Variants in ZNF675 observed in about 807,000 individuals in gnomAD.
ZNF675 encodes the protein zinc finger protein 675.
Under a neutral mutation model 56.1 loss-of-function variants are expected in ZNF675, and 36 were observed. The ratio of observed to expected loss-of-function variants is 0.64; its 90% CI spans 0.49 to 0.85. ZNF675 has a LOEUF of 0.85. Ranked by LOEUF, ZNF675 falls within the 40% of genes least tolerant of loss-of-function variation. The pLI, the probability that ZNF675 is intolerant of heterozygous loss-of-function variation, is 0.00. For missense variants in ZNF675, 663 were observed against 654.2 expected (o/e 1.01, Z -0.15); for synonymous variants, 200 against 218.9 (o/e 0.91, Z 0.76).
chr19:23,665,705 G>A (rs1305838114), intron 1 of ZNF675, among the ~76,000 whole-genome samples: 3 of 152,106 alleles, frequency 2.0e-5, no homozygotes, highest in African/African-American at 7.2e-5. Flanking sequence ...CACCATGTCG[G>A]TCAGGCTGGT....
intron 1 of ZNF675, among the ~76,000 whole-genome samples, chr19:23,663,631 G>A (rs932471542): frequency 6.6e-5 from 10 of 152,176 alleles, no homozygotes; most frequent in African/African-American, 4.8e-5. Context: ...AACCTGGGAG[G>A]TGGAGGCTGT....
intron 1 of ZNF675, among the ~76,000 whole-genome samples, chr19:23,677,273 TA>T (rs71165871): frequency 0.97 from 146,739 of 151,186 alleles, 71,517 homozygotes; most frequent in Middle Eastern, 1. Flanking sequence ...ACTCTACATC[TA>T]AAAAAAACCT....
chr19:23,656,151 A>T (rs1319602106), intron 3 of ZNF675: 2 of 152,242 alleles, frequency 1.3e-5, no homozygotes, highest in African/African-American at 4.8e-5. Flanking sequence ...AAAAGTGAAT[A>T]AAACAAAAAA....
chr19:23,654,070 T>A lies in ZNF675; in HGVS notation c.863A>T (p.Glu288Val), dbSNP rs1967947734. ...HTGEKPYKCE[E>V]CGKAFNQFSN... ...GAACTGGTTAAAGGCTTTGCCACATTCTTCACATTTGTAGGGTTTCTCTCC... is the reference window on the plus strand; with the variant it reads ...GAACTGGTTAAAGGCTTTGCCACATACTTCACATTTGTAGGGTTTCTCTCC... Residue 288 changes from glutamate to valine, a missense_variant, in exon 4 of 4, where the codon GAA becomes GTA. Physicochemically the swap from Glu to Val is moderately radical, Grantham distance 121. Coordinates refer to ENST00000359788, the MANE Select transcript of ZNF675 (RefSeq NM_138330.3). 1 of 1,613,852 alleles carries A rather than the reference T, an allele frequency of 6.2e-7. No homozygotes were observed. Among genetic ancestry groups the A allele is most frequent in the Non-Finnish European group, 8.5e-7 (1 of 1,180,016 alleles).
intron 1 of ZNF675, among the ~76,000 whole-genome samples, chr19:23,669,156 G>C (rs1968196162): frequency 6.6e-6 from 1 of 152,186 alleles, no homozygotes; most frequent in African/African-American, 2.4e-5. Context: ...GTTGGTAATT[G>C]AGTGGAACTA....
intron 1 of ZNF675, among the ~76,000 whole-genome samples, chr19:23,682,070 T>A (rs1164759870): frequency 2.6e-5 from 4 of 151,866 alleles, no homozygotes; most frequent in Non-Finnish European, 4.4e-5. Context: ...CTGCATATTT[T>A]CTTCCTTTTC....
intron 1 of ZNF675, among the ~76,000 whole-genome samples, chr19:23,678,372 A>G (rs12975667): frequency 0.97 from 145,929 of 150,326 alleles, 71,109 homozygotes; most frequent in Middle Eastern, 1. Flanking sequence ...TGCCTCAGCC[A>G]CCCAAGTAGC....
chr19:23,671,391 T>G (rs1439187769), intron 1 of ZNF675, among the ~76,000 whole-genome samples: 1 of 152,170 alleles, frequency 6.6e-6, no homozygotes, highest in Non-Finnish European at 1.5e-5. Flanking sequence ...ATGTCCTGAA[T>G]GCCCGAAGAG....
chr19:23,670,983 G>A (rs1462568696), intron 1 of ZNF675, among the ~76,000 whole-genome samples: 1 of 152,072 alleles, frequency 6.6e-6, no homozygotes, highest in Admixed American at 6.6e-5. Context: ...ACCACTGTAG[G>A]AAACAACCAG....
Position 23,687,147 on chromosome 19 carries a change from G to C in ZNF675, c.-114C>G. 23 of 1,283,176 alleles carry C rather than the reference G, an allele frequency of 1.8e-5. No individual in the cohort carries two copies. The highest frequency in any genetic ancestry group is 3.8e-5 in the Admixed American group (2 of 52,150). The allele number at this position is 1,283,176 out of a possible 1,614,324, so 79.5% of individuals were successfully genotyped here. A position where few individuals can be genotyped will look rare whatever the true frequency, so the allele number is the denominator to read the frequency against. ...GCAGAGGACACAGAGCAATGAAAGC[G>C]AGACCTGGAGCTCCGGCTGCAGCGA... On this transcript the variant is annotated 5_prime_UTR_variant, in exon 1 of 4. Coordinates refer to ENST00000359788, the MANE Select transcript of ZNF675 (RefSeq NM_138330.3).
Position 23,658,880 on chromosome 19 carries a change from T to C in ZNF675, c.226+3234A>G, listed in dbSNP as rs995971802. Among the ~76,000 whole-genome samples the C allele has an allele frequency of 1.5e-3, 134 of 87,506 alleles. 8 individuals carry two copies. Among genetic ancestry groups the C allele is most frequent in the Admixed American group, 3.1e-3 (22 of 7,136 alleles). 57.4% of individuals were successfully genotyped at this position (87,506 alleles called of 152,430 possible). A position where few individuals can be genotyped will look rare whatever the true frequency, so the allele number is the denominator to read the frequency against. ...ATATAGAAATAGATCTATAGATATC[T>C]ATAGATATAGATCTATAGATATCTA... On this transcript the variant is annotated intron_variant, in intron 3 of 3. Coordinates refer to ENST00000359788, the MANE Select transcript of ZNF675 (RefSeq NM_138330.3).
At chr19:23,655,236 CA>C (rs66775732) in intron 3 of ZNF675, 1,084 of 105,646 alleles carry the variant, frequency 0.01, 10 homozygotes, top group African/African-American at 0.027. Flanking sequence ...GACTCTGTCT[CA>C]AAAAAAAAAA....
At chr19:23,660,591 T>C (rs566764782) in intron 3 of ZNF675, among the ~76,000 whole-genome samples, 19 of 152,202 alleles carry the variant, frequency 1.2e-4, no homozygotes, top group African/African-American at 4.3e-4. Context: ...AGAAAAAAAC[T>C]TATTTACAAT....
chr19:23,663,431 C>T (rs1022389385), intron 1 of ZNF675, among the ~76,000 whole-genome samples: 1 of 152,144 alleles, frequency 6.6e-6, no homozygotes, highest in Non-Finnish European at 1.5e-5. Context: ...GTGGCTCATG[C>T]CTTTAATCCC....
In ZNF675 at chr19:23,653,007, T is replaced by A; in HGVS notation, c.*219A>T. 1 of 430,122 alleles carries A rather than the reference T, an allele frequency of 2.3e-6. No homozygotes were observed. Among genetic ancestry groups the A allele is most frequent in the East Asian group, 3.7e-5 (1 of 26,936 alleles). 26.6% of individuals were successfully genotyped at this position (430,122 alleles called of 1,614,324 possible). A position where few individuals can be genotyped will look rare whatever the true frequency, so the allele number is the denominator to read the frequency against. On this transcript the variant is annotated 3_prime_UTR_variant, in exon 4 of 4. Transcript: ENST00000359788. ...CTCTTTATATTTGTACAATTTTTCT[T>A]AAGTATAAACGCTTTCCTGTGCAAT...
At chr19:23,676,129 T>C (rs1968291547) in intron 1 of ZNF675, among the ~76,000 whole-genome samples, 2 of 151,318 alleles carry the variant, frequency 1.3e-5, no homozygotes, top group African/African-American at 4.9e-5. Context: ...CCTGGACAAA[T>C]ACCTCCTCCC....
intron 1 of ZNF675, among the ~76,000 whole-genome samples, chr19:23,664,015 T>G (rs1260573337): frequency 1.3e-5 from 2 of 152,172 alleles, no homozygotes; most frequent in African/African-American, 2.4e-5. Flanking sequence ...TAGAGAAGCC[T>G]CTGGTATATG....
Position 23,654,635 on chromosome 19 carries a change from G to GT in ZNF675, c.297dup (p.Leu100ThrfsTer5). The GT allele has an allele frequency of 6.2e-7, 1 of 1,601,176 alleles. No homozygotes were observed. The highest frequency in any genetic ancestry group is 1.7e-4 in the Middle Eastern group (1 of 5,962). On this transcript the variant is annotated frameshift_variant, in exon 4 of 4. Transcript: ENST00000359788. LOFTEE classifies it high-confidence loss of function. ...TTTCCACATTTTTCATATCTTCTCAGTGTCACTTTTTCAAAAGAATCTTTT... is the reference window on the plus strand; with the variant it reads ...TTTCCACATTTTTCATATCTTCTCAGTTGTCACTTTTTCAAAAGAATCTTTT...
chr19:23,678,613 C>G (rs1968333297), intron 1 of ZNF675, among the ~76,000 whole-genome samples: 1 of 147,788 alleles, frequency 6.8e-6, no homozygotes, highest in Non-Finnish European at 1.5e-5. Context: ...AAAAAGAGCT[C>G]TAATAGCCAA....
Sources: allele counts gnomAD v4.1 joint callset (sites outside exome capture counted in the v4.1 genomes callset), GRCh38; gene constraint gnomAD v4.1.1; transcripts MANE v1.5; gene names NCBI Gene and HGNC (gene_info 2026-07-23, HGNC 2026-07-21).